MRS2: variants seen among roughly 807,000 people sequenced by gnomAD.
MRS2 encodes magnesium transporter MRS2 homolog, mitochondrial.
A neutral mutation model predicts 52.6 loss-of-function variants in MRS2; 40 were observed. The ratio of observed to expected loss-of-function variants is 0.76; its 90% CI spans 0.59 to 0.99. The LOEUF is 0.99. Among genes scored for constraint, MRS2 ranks in the 50% least tolerant of loss-of-function variants. MRS2 has a pLI of 0.00. For synonymous variants in MRS2, 193 were observed against 195.9 expected (o/e 0.98, Z 0.13); for missense variants, 472 against 532.7 (o/e 0.89, Z 1.12).
chr6:24,415,247 T>G (rs1761808535), intron 6 of MRS2, 84 bp downstream of exon 6: 1 of 1,428,380 alleles, frequency 7.0e-7, no homozygotes, highest in East Asian at 2.4e-5. Context: ...ATAACTTTTT[T>G]TAAAGTATGA....
In MRS2 at chr6:24,409,458, T is replaced by A; in HGVS notation, c.302-3T>A. On this transcript the variant is annotated splice_polypyrimidine_tract_variant and splice_region_variant and intron_variant, in intron 3 of 10. Coordinates refer to ENST00000378386, the MANE Select transcript of MRS2 (RefSeq NM_020662.4). ...TAGCCCTCTCTGTTTATTTCTTTTA[T>A]AGAAAGGAAGAAAACTGAATTATAC... 2 of 1,578,234 alleles carry A rather than the reference T, an allele frequency of 1.3e-6. No homozygotes were observed. Among genetic ancestry groups the A allele is most frequent in the East Asian group, 4.5e-5 (2 of 44,450 alleles).
chr6:24,423,152 T>TG (rs1256969670), intron 10 of MRS2, 102 bp downstream of exon 10: 3 of 867,114 alleles, frequency 3.5e-6, no homozygotes, highest in East Asian at 4.9e-5. Flanking sequence ...CTATGGCCCT[T>TG]GCGAGTTGCT....
At position 24,422,921 on chromosome 6, in the gene MRS2, C is replaced by CTG. The variant is rs3833457; in HGVS notation, c.1108-12_1108-11dup. On this transcript the variant is annotated splice_polypyrimidine_tract_variant and intron_variant, in intron 9 of 10. Coordinates refer to ENST00000378386, the MANE Select transcript of MRS2 (RefSeq NM_020662.4). ...CCTGGCGTTTTGCGATGGAAATGAA[C>CTG]TGTGTTCTCTTTTAGGACCATAGAA... 0.14 allele frequency: 224,545 copies of CTG among 1,565,644 alleles called. 17,693 individuals carry two copies. The highest frequency in any genetic ancestry group is 0.16 in the Middle Eastern group (948 of 5,754).
rs11443607 is a variant in MRS2 at position 24,424,220 on chromosome 6, C to CT, written c.*534dup. Reference sequence around the variant, plus strand: ...TAACCTTATTTCTTGTATTTGCCCCCTTTTTTTTATAAAAGGTGAATAAAA... The same window carrying CT: ...TAACCTTATTTCTTGTATTTGCCCCCTTTTTTTTTATAAAAGGTGAATAAAA... On this transcript the variant is annotated 3_prime_UTR_variant, in exon 11 of 11. Transcript: ENST00000378386. 44,347 of 150,826 alleles carry CT rather than the reference C, an allele frequency of 0.29. 6,978 individuals carry two copies. Among genetic ancestry groups the CT allele is most frequent in the East Asian group, 0.43 (2,227 of 5,148 alleles). 9.3% of individuals were successfully genotyped at this position (150,826 alleles called of 1,614,324 possible).
Position 24,412,281 on chromosome 6 carries a change from C to T in MRS2, c.474C>T (p.Asn158=), listed in dbSNP as rs1359671449. The change falls in exon 5 of 11, where the codon AAC becomes AAT. Residue 158 remains asparagine (N), a synonymous_variant. Coordinates refer to ENST00000378386, the MANE Select transcript of MRS2 (RefSeq NM_020662.4). The part of the protein sequence containing the change: ...CLLILDYRNL[N]LEQWLFRELP... ...TGATATTAGATTATCGTAATTTAAACTTAGAGCAATGGCTGTTCCGGGAAC... is the reference window on the plus strand; with the variant it reads ...TGATATTAGATTATCGTAATTTAAATTTAGAGCAATGGCTGTTCCGGGAAC... The T allele has an allele frequency of 8.1e-6, 13 of 1,600,738 alleles. No homozygotes were observed. The highest frequency in any genetic ancestry group is 1.0e-5 in the Non-Finnish European group (12 of 1,174,256).
Position 24,409,508 on chromosome 6 carries a change from G to A in MRS2, c.349G>A (p.Asp117Asn). The change falls in exon 4 of 11, where the codon GAT becomes AAT. Residue 117 changes from aspartate to asparagine, a missense_variant. By Grantham distance (23) the Asp-to-Asn change is conservative. Transcript: ENST00000378386. Reference sequence around the variant, plus strand: ...CCAAGAGTTAGGTCTTCAAGCCAGAGATTTGAGATTTCAGCATGTAATGAG... The same window carrying A: ...CCAAGAGTTAGGTCTTCAAGCCAGAAATTTGAGATTTCAGCATGTAATGAG... ...LYQELGLQAR[D>N]LRFQHVMSIT... The A allele has an allele frequency of 6.2e-7, 1 of 1,612,044 alleles. No homozygotes were observed. Among genetic ancestry groups the A allele is most frequent in the Non-Finnish European group, 8.5e-7 (1 of 1,178,856 alleles).
Position 24,409,481 on chromosome 6 carries a change from T to C in MRS2, c.322T>C (p.Tyr108His), listed in dbSNP as rs1256834451. 1.2e-6 allele frequency: 2 copies of C among 1,607,676 alleles called. No individual in the cohort carries two copies. Among genetic ancestry groups the C allele is most frequent in the Non-Finnish European group, 1.7e-6 (2 of 1,175,682 alleles). Reference sequence around the variant, plus strand: ...TATAGAAAGGAAGAAAACTGAATTATACCAAGAGTTAGGTCTTCAAGCCAG... The same window carrying C: ...TATAGAAAGGAAGAAAACTGAATTACACCAAGAGTTAGGTCTTCAAGCCAG... The part of the protein sequence containing the change: ...TSFERKKTEL[Y>H]QELGLQARDL... Residue 108 changes from tyrosine (Y) to histidine (H), a missense_variant, in exon 4 of 11, where the codon TAC becomes CAC. Coordinates refer to ENST00000378386, the MANE Select transcript of MRS2 (RefSeq NM_020662.4).
At chr6:24,423,071 G>A (rs574502358) in intron 10 of MRS2, 21 bp downstream of exon 10, 133 of 1,588,710 alleles carry the variant, frequency 8.4e-5, no homozygotes, top group East Asian at 2.0e-4. Flanking sequence ...TATGGTTCAC[G>A]GCGGTATTGT....
At chr6:24,414,673 C>T (rs1344717594) in intron 5 of MRS2, among the ~76,000 whole-genome samples, 2 of 152,328 alleles carry the variant, frequency 1.3e-5, no homozygotes, top group East Asian at 3.9e-4. Context: ...GTACACCTCC[C>T]AGACGGGGTG....
Position 24,423,183 on chromosome 6 carries a change from TC to T in MRS2, c.1221+136del, listed in dbSNP as rs1038700291. The T allele has an allele frequency of 3.0e-5, 20 of 661,558 alleles. No homozygotes were observed. In the South Asian group the frequency reaches 3.2e-4, roughly 10 times the overall value. The allele number at this position is 661,558 out of a possible 1,614,324, so 41.0% of individuals were successfully genotyped here. ...TTGCTTTCTCAAACTTCCTTCAGTT[TC>T]CCTATCTGTCAGTTAAGTCGGTATT... On this transcript the variant is annotated intron_variant, in intron 10 of 10. Coordinates refer to ENST00000378386, the MANE Select transcript of MRS2 (RefSeq NM_020662.4).
At chr6:24,421,833 A>C (rs769182082) in intron 9 of MRS2, among the ~76,000 whole-genome samples, 6 of 152,190 alleles carry the variant, frequency 3.9e-5, no homozygotes, top group Non-Finnish European at 8.8e-5. Context: ...GCTTTTTATC[A>C]CAAAGAAAAT....
intron 6 of MRS2, among the ~76,000 whole-genome samples, chr6:24,415,620 A>G (rs558992034): frequency 1.1e-4 from 16 of 152,346 alleles, no homozygotes; most frequent in African/African-American, 2.9e-4. Context: ...TTAACATTTA[A>G]AATTCCTGAA....
intron 2 of MRS2, among the ~76,000 whole-genome samples, chr6:24,407,312 A>T (rs185516826): frequency 1.5e-4 from 23 of 152,174 alleles, no homozygotes; most frequent in African/African-American, 4.8e-4. Context: ...TTAATGTTCT[A>T]TGGAACTTAT....
chr6:24,420,902 C>T (rs115180313), intron 9 of MRS2, among the ~76,000 whole-genome samples: 2,277 of 152,204 alleles, frequency 0.015, 25 homozygotes, highest in African/African-American at 0.034. Flanking sequence ...ATGTCAGTGA[C>T]GTAGAGCGTG....
chr6:24,403,339 C>T (rs1761352026), intron 1 of MRS2, 103 bp downstream of exon 1: 1 of 1,176,088 alleles, frequency 8.5e-7, no homozygotes, highest in Admixed American at 3.1e-5. Flanking sequence ...TCCGCGCCCT[C>T]CGCAGGCCTC....
At chr6:24,418,747 A>C in intron 9 of MRS2, 169 bp downstream of exon 9, 1 of 495,356 alleles carries the variant, frequency 2.0e-6, no homozygotes, top group Non-Finnish European at 3.7e-6. Context: ...AAAAATACAA[A>C]AATTAGACAG....
At chr6:24,410,647 C>T (rs377386932) in intron 4 of MRS2, 1 of 1,113,514 alleles carries the variant, frequency 9.0e-7, no homozygotes, top group Non-Finnish European at 1.3e-6. Context: ...ATAGCAAGAT[C>T]CCATCTCTAA....
chr6:24,409,241 G>A (rs985078125), intron 3 of MRS2, among the ~76,000 whole-genome samples: 4 of 152,186 alleles, frequency 2.6e-5, no homozygotes, highest in Non-Finnish European at 5.9e-5. Context: ...TCTAAGTAGT[G>A]AGAAAGTTAT....
chr6:24,406,766 C>T (rs181419590), intron 2 of MRS2, among the ~76,000 whole-genome samples: 12 of 152,288 alleles, frequency 7.9e-5, no homozygotes, highest in African/African-American at 2.9e-4. Context: ...CAGAGCAAGA[C>T]TCTGTCTCAA....
Sources: allele counts gnomAD v4.1 joint callset (sites outside exome capture counted in the v4.1 genomes callset), GRCh38; gene constraint gnomAD v4.1.1; transcripts MANE v1.5; gene names NCBI Gene and HGNC (gene_info 2026-07-23, HGNC 2026-07-21).